The following TMED10 variants were observed in gnomAD, a reference collection of about 807,000 sequenced individuals.
The protein encoded by TMED10 is transmembrane emp24 domain-containing protein 10.
In TMED10, 7 loss-of-function variants were observed where a neutral mutation model predicts 23.1. That is an observed-to-expected ratio of 0.30 (90% CI 0.17 to 0.57). TMED10 has a LOEUF of 0.57. TMED10 is among the 20% of genes least tolerant of loss of function. The pLI is 0.91. For synonymous variants in TMED10, 113 were observed against 106.9 expected (o/e 1.06, Z -0.35); for missense variants, 162 against 274.8 (o/e 0.59, Z 2.90).
chr14:75,165,877 A>G (rs1318936418), intron 1 of TMED10, among the ~76,000 whole-genome samples: 2 of 151,892 alleles, frequency 1.3e-5, no homozygotes, highest in Non-Finnish European at 2.9e-5. Context: ...GAAATAGCAA[A>G]TTTCCAGGCA....
At chr14:75,146,839 T>C (rs1476581049) in intron 3 of TMED10, among the ~76,000 whole-genome samples, 1 of 152,188 alleles carries the variant, frequency 6.6e-6, no homozygotes. Context: ...CTAAAAACTA[T>C]CTTTGACTAT....
chr14:75,154,127 C>G (rs1335954866), intron 1 of TMED10, among the ~76,000 whole-genome samples: 1 of 149,340 alleles, frequency 6.7e-6, no homozygotes, highest in Non-Finnish European at 1.5e-5. Flanking sequence ...CAGTGGCTCA[C>G]GCACCTGTAA....
In TMED10 at chr14:75,134,815, T is replaced by G; in HGVS notation, c.*70A>C. The G allele has an allele frequency of 6.2e-7, 1 of 1,600,462 alleles. No homozygotes were observed. Among genetic ancestry groups the G allele is most frequent in the Non-Finnish European group, 8.5e-7 (1 of 1,170,834 alleles). ...TGATGGTGCTGTTGGTAGGATGCCT[T>G]AGGCCAGGCACGTCCCAGCGATGTT... On this transcript the variant is annotated 3_prime_UTR_variant, in exon 5 of 5. Transcript: ENST00000303575.
chr14:75,139,287 A>G (rs1895793048), intron 3 of TMED10: 2 of 354,080 alleles, frequency 5.6e-6, no homozygotes, highest in Middle Eastern at 1.8e-3. Flanking sequence ...CAAAAATGTC[A>G]GTGCTTATCA....
chr14:75,164,577 ATTTTT>A (rs60845992), intron 1 of TMED10, among the ~76,000 whole-genome samples: 32 of 45,066 alleles, frequency 7.1e-4, no homozygotes, highest in African/African-American at 2.8e-3. Context: ...ATATATATAT[ATTTTT>A]TTTTTTTTTT....
At chr14:75,158,263 G>C (rs1896045122) in intron 1 of TMED10, among the ~76,000 whole-genome samples, 1 of 152,150 alleles carries the variant, frequency 6.6e-6, no homozygotes, top group South Asian at 2.1e-4. Flanking sequence ...ATTCTTAAAG[G>C]CCTCTTGTTT....
At chr14:75,168,154 C>A (rs1442911933) in intron 1 of TMED10, among the ~76,000 whole-genome samples, 1 of 152,136 alleles carries the variant, frequency 6.6e-6, no homozygotes, top group Non-Finnish European at 1.5e-5. Context: ...AGAAAGGCCT[C>A]CCCTGACCAC....
intron 3 of TMED10, among the ~76,000 whole-genome samples, chr14:75,146,858 C>T (rs1340789264): frequency 6.6e-6 from 1 of 151,964 alleles, no homozygotes; most frequent in East Asian, 1.9e-4. Context: ...ATTGTTATTT[C>T]CCAAACACAA....
At chr14:75,140,186 C>A (rs175439) in intron 3 of TMED10, among the ~76,000 whole-genome samples, 3 of 152,032 alleles carry the variant, frequency 2.0e-5, no homozygotes, top group Non-Finnish European at 2.9e-5. Context: ...TTGAGATGGA[C>A]TCTTGCTCTG....
At chr14:75,162,304 C>T (rs1041304922) in intron 1 of TMED10, among the ~76,000 whole-genome samples, 2 of 152,024 alleles carry the variant, frequency 1.3e-5, no homozygotes, top group Non-Finnish European at 2.9e-5. Flanking sequence ...CCAAAAAATA[C>T]AAGAATGCGG....
chr14:75,136,478 G>A (rs993349750), intron 3 of TMED10, among the ~76,000 whole-genome samples: 2 of 152,136 alleles, frequency 1.3e-5, no homozygotes, highest in African/African-American at 2.4e-5. Context: ...CTTTAGTAAA[G>A]CACTTTACTT....
chr14:75,137,757 G>A (rs1295353656), intron 3 of TMED10, among the ~76,000 whole-genome samples: 7 of 149,820 alleles, frequency 4.7e-5, no homozygotes, highest in Admixed American at 4.7e-4. Flanking sequence ...GCCCAGGCTG[G>A]AGTACAGTGG....
At chr14:75,162,662 A>G (rs984340406) in intron 1 of TMED10, among the ~76,000 whole-genome samples, 3 of 152,200 alleles carry the variant, frequency 2.0e-5, no homozygotes, top group Non-Finnish European at 4.4e-5. Flanking sequence ...TAAGGGGGAA[A>G]AAAGGAAAGA....
At chr14:75,156,480 C>A (rs889018956) in intron 1 of TMED10, among the ~76,000 whole-genome samples, 2 of 152,054 alleles carry the variant, frequency 1.3e-5, no homozygotes, top group African/African-American at 4.8e-5. Context: ...TGGACCAGCA[C>A]AAGCCATACA....
chr14:75,138,826 T>TA (rs1566668935), intron 3 of TMED10, among the ~76,000 whole-genome samples: 1 of 44,706 alleles, frequency 2.2e-5, no homozygotes, highest in African/African-American at 5.5e-5. Context: ...TTTTTTTTTT[T>TA]TTTTTTATTT....
At chr14:75,160,585 TC>T (rs942600934) in intron 1 of TMED10, among the ~76,000 whole-genome samples, 2 of 152,202 alleles carry the variant, frequency 1.3e-5, no homozygotes, top group African/African-American at 4.8e-5. Context: ...TTCTTTTCTT[TC>T]CTTTTAACAA....
Position 75,163,250 on chromosome 14 carries a change from C to T in TMED10, c.226-11107G>A, listed in dbSNP as rs188083482. Among the ~76,000 whole-genome samples the T allele has an allele frequency of 1.3e-3, 191 of 151,364 alleles. 1 individual carries two copies. Among genetic ancestry groups the T allele is most frequent in the African/African-American group, 4.2e-3 (174 of 41,284 alleles). ...GAGCAAGACCCTGTCTCAAAACAAACACACAAACAAAAAACTCACGGGCCA... is the reference window on the plus strand; with the variant it reads ...GAGCAAGACCCTGTCTCAAAACAAATACACAAACAAAAAACTCACGGGCCA... On this transcript the variant is annotated intron_variant, in intron 1 of 4. Transcript: ENST00000303575.
intron 1 of TMED10, among the ~76,000 whole-genome samples, chr14:75,159,717 CTA>C (rs1379656850): frequency 6.6e-6 from 1 of 152,174 alleles, no homozygotes; most frequent in Non-Finnish European, 1.5e-5. Flanking sequence ...AAGAAATCTG[CTA>C]TGTTTTTCTG....
At chr14:75,139,308 T>A in intron 3 of TMED10, 1 of 340,800 alleles carries the variant, frequency 2.9e-6, no homozygotes, top group Admixed American at 4.0e-5. Flanking sequence ...ATTCATCTTA[T>A]TCTTAACTGC....
Sources: gnomAD v4.1 joint callset for allele counts (sites outside exome capture counted in the v4.1 genomes callset) on GRCh38, gnomAD v4.1.1 for gene constraint, MANE v1.5 for transcripts, NCBI Gene and HGNC (gene_info 2026-07-23, HGNC 2026-07-21) for gene names.